ZDHHC16: variants seen among roughly 807,000 people sequenced by gnomAD.
The protein encoded by ZDHHC16 is palmitoyltransferase ZDHHC16.
Under a neutral mutation model 54.4 loss-of-function variants are expected in ZDHHC16, and 33 were observed. The observed-to-expected ratio is 0.61, with a 90% CI of 0.46 to 0.81. The LOEUF (loss-of-function observed/expected upper bound fraction) is 0.81, where lower values mean the gene tolerates loss of function less well. Among genes scored for constraint, ZDHHC16 ranks in the 30% least tolerant of loss-of-function variants. ZDHHC16 has a pLI of 0.00. For synonymous variants in ZDHHC16, 185 were observed against 182.1 expected (o/e 1.02, Z -0.13); for missense variants, 420 against 485.9 (o/e 0.86, Z 1.28).
rs533362861 is a variant in ZDHHC16, at chr10:97,446,468, C to A, written c.-186+115C>A. 9.7e-4 allele frequency: 174 copies of A among 180,156 alleles called. 1 individual carries two copies. Among genetic ancestry groups the A allele is most frequent in the African/African-American group, 3.9e-3 (164 of 41,810 alleles). The allele number at this position is 180,156 out of a possible 1,614,324, so 11.2% of individuals were successfully genotyped here. On this transcript the variant is annotated intron_variant, in intron 1 of 11. Coordinates refer to ENST00000393760, the MANE Select transcript of ZDHHC16 (RefSeq NM_198046.3). The stretch of plus-strand genomic sequence containing the variant: ...CCTGCTCTCTCCTCGCCCCGCCCTG[C>A]GGGGCCGTGCCCTCCTCAGCCCGAG...
intron 7 of ZDHHC16, 35 bp from the exon 8 acceptor site, chr10:97,453,764 G>A (rs1846884239): frequency 6.2e-7 from 1 of 1,614,206 alleles, no homozygotes; most frequent in Non-Finnish European, 8.5e-7. Flanking sequence ...CTAGAGGCCT[G>A]AGAGTATAAC....
intron 8 of ZDHHC16, among the ~76,000 whole-genome samples, chr10:97,454,322 A>C (rs1188445702): frequency 6.6e-6 from 1 of 152,188 alleles, no homozygotes; most frequent in East Asian, 1.9e-4. Flanking sequence ...TGGAGCTCAC[A>C]GTCCCTAGTG....
rs757469619 is a variant in ZDHHC16, at chr10:97,456,803, C to T, written c.1046C>T (p.Pro349Leu). The stretch of plus-strand genomic sequence containing the variant: ...CACTGGCTTACTCGGGTGCTCTTAC[C>T]TTCTAGTCACTTGCCCCATGGGAAT... ...GRHWLTRVLL[P>L]SSHLPHGNGM... Residue 349 changes from proline (P) to leucine (L), a missense_variant, in exon 12 of 12, where the codon CCT becomes CTT. Pro to Leu is a moderately conservative substitution (Grantham distance 98). Coordinates refer to ENST00000393760, the MANE Select transcript of ZDHHC16 (RefSeq NM_198046.3). The T allele has an allele frequency of 6.2e-7, 1 of 1,613,648 alleles. No individual in the cohort carries two copies. Among genetic ancestry groups the T allele is most frequent in the South Asian group, 1.1e-5 (1 of 91,002 alleles).
rs751947880 is a variant in ZDHHC16, at chr10:97,455,997, C to T, written c.972C>T (p.Tyr324=). Residue 324 remains tyrosine (Y), a synonymous_variant, in exon 11 of 12, where the codon TAC becomes TAT. Transcript: ENST00000393760. ...AGGTATTTAGGAATCCTTACAACTA[C>T]GGCTGCTTGGACAACTGGAAGGTAT... is the stretch of plus-strand genomic sequence containing the variant. ...KGRVFRNPYN[Y]GCLDNWKVFL... is the part of the protein sequence containing the mutation. The T allele has an allele frequency of 1.2e-5, 19 of 1,614,158 alleles. No individual in the cohort carries two copies. The highest frequency in any genetic ancestry group is 8.0e-5 in the African/African-American group (6 of 75,062).
intron 8 of ZDHHC16, 22 bp from the exon 9 acceptor site, chr10:97,454,692 C>G (rs773598924): frequency 6.2e-7 from 1 of 1,609,568 alleles, no homozygotes; most frequent in Non-Finnish European, 8.5e-7. Flanking sequence ...AATGAGCCAG[C>G]TTTGCTGTTT....
intron 11 of ZDHHC16, chr10:97,456,555 A>C (rs1378972750): frequency 2.3e-6 from 1 of 433,164 alleles, no homozygotes; most frequent in Admixed American, 3.7e-5. Flanking sequence ...CTGTGCTTAC[A>C]GTGGACCTTT....
At position 97,456,031 on chromosome 10, in the gene ZDHHC16, G is replaced by C. The variant is rs1218983079; in HGVS notation, c.1006G>C (p.Val336Leu). Residue 336 changes from valine (V) to leucine (L), a missense_variant, in exon 11 of 12, where the codon GTG becomes CTG. By Grantham distance (32) the Val-to-Leu change is conservative. Transcript: ENST00000393760. ...CLDNWKVFLG[V>L]DTGRHWLTRV... ...GGACAACTGGAAGGTATTCCTGGGTGTGGATACAGGAAGGTAATGTAAGAC... is the reference window on the plus strand; with the variant it reads ...GGACAACTGGAAGGTATTCCTGGGTCTGGATACAGGAAGGTAATGTAAGAC... 3 of 1,614,152 alleles carry C rather than the reference G, an allele frequency of 1.9e-6. No homozygotes were observed. Among genetic ancestry groups the C allele is most frequent in the Admixed American group, 3.3e-5 (2 of 60,014 alleles).
At chr10:97,449,767 T>G (rs1156466096) in intron 1 of ZDHHC16, among the ~76,000 whole-genome samples, 1 of 151,864 alleles carries the variant, frequency 6.6e-6, no homozygotes, top group Non-Finnish European at 1.5e-5. Flanking sequence ...TGACCTCAAG[T>G]GATCCGCCTG....
In ZDHHC16 at chr10:97,454,767, CAA is replaced by C. The variant is rs1227046206; in HGVS notation, c.793_794del (p.Lys265GlufsTer31). On this transcript the variant is annotated frameshift_variant, in exon 9 of 12. Transcript: ENST00000393760. LOFTEE classifies it high-confidence loss of function. ...TFSFRERMTH[K>X]SLVYLWFLCS... ...TCTCCTTTCGAGAAAGGATGACTCA[CAA>C]GAGTCTTGTCTACCTCTGGTTCCTG... 6.2e-7 allele frequency: 1 copy of C among 1,614,184 alleles called. No homozygotes were observed. Among genetic ancestry groups the C allele is most frequent in the African/African-American group, 1.3e-5 (1 of 75,036 alleles).
intron 1 of ZDHHC16, among the ~76,000 whole-genome samples, chr10:97,449,856 TAA>T (rs1275806983): frequency 1.7e-5 from 2 of 117,318 alleles, no homozygotes; most frequent in Admixed American, 9.3e-5. Context: ...ACACTCCCCT[TAA>T]TTCTTTTTTT....
intron 3 of ZDHHC16, 27 bp downstream of exon 3, chr10:97,451,945 A>C: frequency 6.3e-7 from 1 of 1,596,974 alleles, no homozygotes; most frequent in Non-Finnish European, 8.5e-7. Context: ...GAGCAGGAAA[A>C]GGGGTGTTGT....
intron 2 of ZDHHC16, chr10:97,451,322 A>G (rs915919665): frequency 3.6e-5 from 9 of 250,396 alleles, no homozygotes; most frequent in Non-Finnish European, 6.9e-5. Context: ...TACACAGACA[A>G]CTCCTAAGAC....
intron 11 of ZDHHC16, 154 bp downstream of exon 11, chr10:97,456,198 A>C: frequency 1.3e-6 from 1 of 748,306 alleles, no homozygotes; most frequent in Non-Finnish European, 2.1e-6. Context: ...TTGAACCAGA[A>C]AGGCTTGAGG....
intron 11 of ZDHHC16, chr10:97,456,496 C>CA: frequency 3.1e-6 from 1 of 322,842 alleles, no homozygotes; most frequent in Non-Finnish European, 5.7e-6. Flanking sequence ...ATCAGATGAA[C>CA]AGACGTGCCT....
At chr10:97,452,815 T>A in intron 5 of ZDHHC16, 80 bp from the exon 6 acceptor site, 1 of 1,590,506 alleles carries the variant, frequency 6.3e-7, no homozygotes, top group Non-Finnish European at 8.6e-7. Flanking sequence ...AGCAGGATGC[T>A]GGTCCTTGTA....
rs975792618 is a variant in ZDHHC16, at chr10:97,456,197, A to G, written c.1019+153A>G. 4.9e-5 allele frequency: 38 copies of G among 768,262 alleles called. No homozygotes were observed. In the African/African-American group the frequency reaches 5.1e-4, roughly 10 times the overall value. 47.6% of individuals were successfully genotyped at this position (768,262 alleles called of 1,614,324 possible). A position where few individuals can be genotyped will look rare whatever the true frequency, so the allele number is the denominator to read the frequency against. On this transcript the variant is annotated intron_variant, in intron 11 of 11. Transcript: ENST00000393760. ...AGAGATCATTGTCCATTTGAACCAG[A>G]AAGGCTTGAGGCCAATACTGTGTGG...
chr10:97,454,030 G>C (rs932103028), intron 8 of ZDHHC16, among the ~76,000 whole-genome samples, 184 bp downstream of exon 8: 1 of 152,196 alleles, frequency 6.6e-6, no homozygotes, highest in Non-Finnish European at 1.5e-5. Context: ...AGGCAAGCTG[G>C]AAGTCCCTGG....
intron 10 of ZDHHC16, 35 bp from the exon 11 acceptor site, chr10:97,455,939 A>G (rs563285202): frequency 1.9e-6 from 3 of 1,613,154 alleles, no homozygotes; most frequent in Admixed American, 3.3e-5. Flanking sequence ...CTGAAAAATT[A>G]GAAGTTCAAA....
chr10:97,456,485 A>C (rs866876887), intron 11 of ZDHHC16: 16 of 318,228 alleles, frequency 5.0e-5, no homozygotes, highest in African/African-American at 3.2e-4. Context: ...AGGCGGTAAC[A>C]ATCAGATGAA....
Sources: allele counts gnomAD v4.1 joint callset (sites outside exome capture counted in the v4.1 genomes callset), GRCh38; gene constraint gnomAD v4.1.1; transcripts MANE v1.5; gene names NCBI Gene and HGNC (gene_info 2026-07-23, HGNC 2026-07-21).